CEP192: variants seen among roughly 807,000 people sequenced by gnomAD.
CEP192 encodes centrosomal protein 192.
In CEP192, 151 loss-of-function variants were observed where a neutral mutation model predicts 271.8. The observed-to-expected ratio is 0.56, with a 90% CI of 0.49 to 0.64. CEP192 has a LOEUF of 0.64. Among genes scored for constraint, CEP192 ranks in the 30% least tolerant of loss-of-function variants. The pLI is 0.00. For synonymous variants in CEP192, 995 were observed against 1,076.5 expected, an observed-to-expected ratio of 0.92 and a Z score of 1.48; for missense variants, 2,910 against 3,020.5, an observed-to-expected ratio of 0.96 and a Z score of 0.86.
rs1270192773 is a variant in CEP192 at position 13,095,562 on chromosome 18, A to C, written c.6314A>C (p.Lys2105Thr). The stretch of plus-strand genomic sequence containing the variant: ...GTCTCTTTGGATGTTTTACCAGTCA[A>C]AGGTCCTCAGGGTTCTCCTCTTCTC... Reference protein sequence around the residue: ...GNVSLDVLPVKGPQGSPLLSR... With the variant: ...GNVSLDVLPVTGPQGSPLLSR... Residue 2105 changes from lysine (K) to threonine (T), a missense_variant, in exon 35 of 45, where the codon AAA becomes ACA. By Grantham distance (78) the Lys-to-Thr change is moderately conservative. Coordinates refer to ENST00000506447, the MANE Select transcript of CEP192 (RefSeq NM_032142.4). 6.2e-7 allele frequency: 1 copy of C among 1,614,166 alleles called. No individual in the cohort carries two copies.
chr18:13,056,580 C>A lies in CEP192; in HGVS notation c.3990C>A (p.Asn1330Lys), dbSNP rs781532335. The A allele has an allele frequency of 5.0e-6, 8 of 1,614,044 alleles. No homozygotes were observed. Among genetic ancestry groups the A allele is most frequent in the Non-Finnish European group, 6.8e-6 (8 of 1,180,000 alleles). ...GGATGGGTACCTCTTCCCTCTGTAACCCATATTCTAATACCTTAAATCAGA... is the reference window on the plus strand; with the variant it reads ...GGATGGGTACCTCTTCCCTCTGTAAACCATATTCTAATACCTTAAATCAGA... ...SGWMGTSSLC[N>K]PYSNTLNQNL... The change falls in exon 19 of 45, where the codon AAC becomes AAA. Residue 1330 changes from asparagine to lysine, a missense_variant. By Grantham distance (94) the Asn-to-Lys change is moderately conservative. Coordinates refer to ENST00000506447, the MANE Select transcript of CEP192 (RefSeq NM_032142.4).
rs771510406 is a variant in CEP192, at chr18:13,068,182, G to A, written c.4703G>A (p.Arg1568Gln). The A allele has an allele frequency of 3.7e-6, 6 of 1,614,232 alleles. No individual in the cohort carries two copies. The East Asian group carries it at 6.7e-5, about 18-fold the overall frequency. Reference sequence around the variant, plus strand: ...GCTCCTTGCGCTGATGTGGTCACTCGGCTAGCAGGCCCTTCTGTGGTCAAC... The same window carrying A: ...GCTCCTTGCGCTGATGTGGTCACTCAGCTAGCAGGCCCTTCTGTGGTCAAC... ...EVAPCADVVT[R>Q]LAGPSVVNHM... Residue 1568 changes from arginine (R) to glutamine (Q), a missense_variant, in exon 23 of 45, where the codon CGG (arginine) becomes CAG (glutamine). Transcript: ENST00000506447.
intron 44 of CEP192, among the ~76,000 whole-genome samples, chr18:13,123,941 C>G (rs375713747): frequency 2.0e-5 from 3 of 152,184 alleles, no homozygotes; most frequent in Admixed American, 1.3e-4. Flanking sequence ...GGGTGGATCA[C>G]TTTAGGCCAG....
chr18:13,055,800 G>A lies in CEP192; in HGVS notation c.3210G>A (p.Leu1070=), dbSNP rs771755984. The A allele has an allele frequency of 6.3e-7, 1 of 1,574,974 alleles. No individual in the cohort carries two copies. The highest frequency in any genetic ancestry group is 1.4e-5 in the African/African-American group (1 of 73,256). ...EDRKSDITSE[L]STTIIQGSPA... ...CTCAGAGTGATATCACCAGCGAGTT[G>A]AGTACCACAATTATTCAAGGCAGTC... The change falls in exon 19 of 45, where the codon TTG becomes TTA. Residue 1070 remains leucine, a synonymous_variant. Coordinates refer to ENST00000506447, the MANE Select transcript of CEP192 (RefSeq NM_032142.4).
chr18:13,054,534 A>G lies in CEP192; in HGVS notation c.3190-1246A>G, dbSNP rs146763187. Reference sequence around the variant, plus strand: ...GATACTGAGTCTGCATGTTCTTAGCATAGTGGTTGAGAGCTGGGTTATGGT... The same window carrying G: ...GATACTGAGTCTGCATGTTCTTAGCGTAGTGGTTGAGAGCTGGGTTATGGT... On this transcript the variant is annotated intron_variant, in intron 18 of 44. Transcript: ENST00000506447. Among the ~76,000 whole-genome samples, 648 of 152,258 alleles carry G rather than the reference A, an allele frequency of 4.3e-3. 5 individuals are homozygous for G. Among genetic ancestry groups the G allele is most frequent in the African/African-American group, 0.014 (595 of 41,536 alleles).
intron 30 of CEP192, among the ~76,000 whole-genome samples, chr18:13,073,811 C>T (rs2038134183): frequency 2.0e-5 from 3 of 152,166 alleles, no homozygotes; most frequent in Admixed American, 2.0e-4. Context: ...CCCCAAAGGC[C>T]CCACCTCTTA....
At chr18:12,993,431 T>G (rs1418588998) in intron 1 of CEP192, among the ~76,000 whole-genome samples, 1 of 152,186 alleles carries the variant, frequency 6.6e-6, no homozygotes, top group Non-Finnish European at 1.5e-5. Context: ...TCAAGTTCCT[T>G]ACATAGATTG....
chr18:13,028,152 A>ATC (rs989598362), intron 9 of CEP192, among the ~76,000 whole-genome samples: 1 of 151,872 alleles, frequency 6.6e-6, no homozygotes, highest in Non-Finnish European at 1.5e-5. Flanking sequence ...CAGCACTCAC[A>ATC]TCTCTCTCTG....
chr18:13,007,634 G>A (rs1422510443), intron 3 of CEP192, among the ~76,000 whole-genome samples: 1 of 151,938 alleles, frequency 6.6e-6, no homozygotes, highest in Non-Finnish European at 1.5e-5. Context: ...AAATTTTCCT[G>A]TACCTACCCA....
At chr18:13,031,224 C>T (rs1303097546) in intron 11 of CEP192, among the ~76,000 whole-genome samples, 3 of 149,820 alleles carry the variant, frequency 2.0e-5, no homozygotes, top group Admixed American at 6.7e-5. Flanking sequence ...AGGGGCCTGT[C>T]AAGCCTGGCC....
rs1445711837 is a variant in CEP192 at position 13,056,245 on chromosome 18, ACC to A, written c.3656_3657del (p.Thr1219AsnfsTer3). ...GTTCAGTGGCCAGGTTTCTCATCAG[ACC>A]ACCTCTGAAAACCAGTGTACTCCTA... Reference protein sequence around the residue: ...REFSGQVSHQTTSENQCTPIP... With the variant: ...REFSGQVSHQXTSENQCTPIP... On this transcript the variant is annotated frameshift_variant, in exon 19 of 45. Transcript: ENST00000506447. LOFTEE classifies it high-confidence loss of function. 1 of 1,613,840 alleles carries A rather than the reference ACC, an allele frequency of 6.2e-7. No homozygotes were observed. The highest frequency in any genetic ancestry group is 1.3e-5 in the African/African-American group (1 of 75,068).
chr18:13,015,770 G>C (rs1201648421), intron 6 of CEP192, among the ~76,000 whole-genome samples: 1 of 150,314 alleles, frequency 6.7e-6, no homozygotes, highest in Non-Finnish European at 1.5e-5. Flanking sequence ...TTTTGAGATG[G>C]AATCTCGCTT....
At chr18:13,122,703 A>T (rs2040726767) in intron 44 of CEP192, among the ~76,000 whole-genome samples, 1 of 152,182 alleles carries the variant, frequency 6.6e-6, no homozygotes, top group South Asian at 2.1e-4. Context: ...GCACAGCCTG[A>T]TGGCCTCTCT....
intron 44 of CEP192, 83 bp from the exon 45 acceptor site, chr18:13,124,549 C>A: frequency 7.3e-7 from 1 of 1,367,978 alleles, no homozygotes; most frequent in Non-Finnish European, 9.7e-7. Flanking sequence ...TTCCTCAACA[C>A]CTGAGCCAGG....
intron 44 of CEP192, among the ~76,000 whole-genome samples, chr18:13,123,465 G>C (rs1007391257): frequency 1.3e-5 from 2 of 152,096 alleles, no homozygotes; most frequent in African/African-American, 2.4e-5. Flanking sequence ...CCTCATGCCC[G>C]GTGTACTCTT....
At chr18:13,093,737 AT>A (rs1364224498) in intron 34 of CEP192, among the ~76,000 whole-genome samples, 4 of 152,252 alleles carry the variant, frequency 2.6e-5, no homozygotes, top group African/African-American at 4.8e-5. Context: ...TACATAACTT[AT>A]GTGGTAATTT....
chr18:13,027,578 C>G (rs768541105), intron 9 of CEP192, among the ~76,000 whole-genome samples: 1 of 152,076 alleles, frequency 6.6e-6, no homozygotes, highest in Non-Finnish European at 1.5e-5. Flanking sequence ...TTTAGAGGCC[C>G]CAGTTTATCC....
intron 36 of CEP192, among the ~76,000 whole-genome samples, chr18:13,096,660 G>A (rs991368532): frequency 6.6e-5 from 10 of 152,186 alleles, no homozygotes; most frequent in Admixed American, 2.0e-4. Flanking sequence ...ATGAGGGGTC[G>A]CGATGTGTCC....
At chr18:13,086,349 C>T (rs184641364) in intron 30 of CEP192, among the ~76,000 whole-genome samples, 16 of 152,330 alleles carry the variant, frequency 1.1e-4, no homozygotes, top group African/African-American at 3.8e-4. Flanking sequence ...GACTTCCTCT[C>T]TTCCTATTTG....
Sources: allele counts gnomAD v4.1 joint callset (sites outside exome capture counted in the v4.1 genomes callset), GRCh38; gene constraint gnomAD v4.1.1; transcripts MANE v1.5; gene names NCBI Gene and HGNC (gene_info 2026-07-23, HGNC 2026-07-21).